Variants in NPAS3 observed in about 807,000 individuals in gnomAD.
The protein encoded by NPAS3 is neuronal PAS domain protein 3.
In NPAS3, 14 loss-of-function variants were observed where a neutral mutation model predicts 73.1. The ratio of observed to expected loss-of-function variants is 0.19; its 90% CI spans 0.13 to 0.30. NPAS3 has a LOEUF of 0.30. Among genes scored for constraint, NPAS3 ranks in the 10% least tolerant of loss-of-function variants. The pLI is 1.00. For missense variants in NPAS3, 1,096 were observed against 1,250.0 expected, an observed-to-expected ratio of 0.88 and a Z score of 1.86; for synonymous variants, 620 against 541.5, an observed-to-expected ratio of 1.14 and a Z score of -2.01.
At chr14:33,500,578 G>A (rs1406518909) in intron 4 of NPAS3, among the ~76,000 whole-genome samples, 1 of 151,900 alleles carries the variant, frequency 6.6e-6, no homozygotes, top group Admixed American at 6.6e-5. Flanking sequence ...CAAGAAAAGA[G>A]TTACCAGAGG....
chr14:32,971,384 C>G (rs2139315664), intron 1 of NPAS3, among the ~76,000 whole-genome samples: 1 of 152,186 alleles, frequency 6.6e-6, no homozygotes, highest in East Asian at 1.9e-4. Context: ...CACGCCTGGC[C>G]TGTGTTTTTC....
At chr14:33,542,708 A>C (rs2054577590) in intron 4 of NPAS3, among the ~76,000 whole-genome samples, 3 of 152,248 alleles carry the variant, frequency 2.0e-5, no homozygotes, top group Admixed American at 6.5e-5. Context: ...TAAGTAAAAA[A>C]TATTGAGTTG....
chr14:33,186,703 C>T (rs930430847), intron 2 of NPAS3, among the ~76,000 whole-genome samples: 1 of 152,192 alleles, frequency 6.6e-6, no homozygotes, highest in Admixed American at 6.5e-5. Context: ...CTGTTCACTC[C>T]CTTATCCCAC....
chr14:33,757,552 TGA>T (rs1405091694), intron 7 of NPAS3, among the ~76,000 whole-genome samples: 3 of 151,866 alleles, frequency 2.0e-5, no homozygotes, highest in Admixed American at 6.6e-5. Flanking sequence ...GGGGAAAAAA[TGA>T]GAGAGACCGG....
At chr14:33,428,761 C>A (rs933404426) in intron 4 of NPAS3, among the ~76,000 whole-genome samples, 1 of 152,024 alleles carries the variant, frequency 6.6e-6, no homozygotes, top group African/African-American at 2.4e-5. Flanking sequence ...TTCTTCAAAT[C>A]CCTTGAGTAC....
intron 4 of NPAS3, among the ~76,000 whole-genome samples, chr14:33,500,108 G>A (rs982230746): frequency 9.2e-5 from 14 of 151,906 alleles, no homozygotes; most frequent in African/African-American, 3.4e-4. Flanking sequence ...AAGGGAGTTT[G>A]AGGAAGGCAC....
At chr14:32,966,776 C>CAAAAAA (rs61620104) in intron 1 of NPAS3, among the ~76,000 whole-genome samples, 2 of 45,156 alleles carry the variant, frequency 4.4e-5, no homozygotes, top group Non-Finnish European at 4.1e-5. Flanking sequence ...GACTCCGTCT[C>CAAAAAA]AAAAAAAAAA....
downstream of NPAS3, chr14:33,801,262 C>G: frequency 7.2e-7 from 1 of 1,395,552 alleles, no homozygotes; most frequent in Admixed American, 2.8e-5. Flanking sequence ...TTTCTTTCAC[C>G]TGACTTATTC....
chr14:33,480,795 C>G (rs1744900049), intron 4 of NPAS3, among the ~76,000 whole-genome samples: 1 of 151,878 alleles, frequency 6.6e-6, no homozygotes, highest in African/African-American at 2.4e-5. Context: ...ATGGAGGTGT[C>G]AGCCCTTTAC....
chr14:33,556,100 G>A (rs2055346998), intron 4 of NPAS3, among the ~76,000 whole-genome samples: 2 of 152,152 alleles, frequency 1.3e-5, no homozygotes, highest in African/African-American at 2.4e-5. Context: ...AAACTGGCCA[G>A]TTCTTAGATC....
chr14:33,308,527 T>TATATAC, intron 3 of NPAS3, among the ~76,000 whole-genome samples: 37 of 103,652 alleles, frequency 3.6e-4, no homozygotes, highest in Non-Finnish European at 5.1e-4. Flanking sequence ...TATATATATA[T>TATATAC]ACATACACAC....
At chr14:33,592,650 C>T (rs2057108924) in intron 5 of NPAS3, among the ~76,000 whole-genome samples, 1 of 152,088 alleles carries the variant, frequency 6.6e-6, no homozygotes, top group Non-Finnish European at 1.5e-5. Context: ...TAATGAAATA[C>T]ATAAATAAGA....
At chr14:33,529,632 T>C (rs2053955019) in intron 4 of NPAS3, among the ~76,000 whole-genome samples, 2 of 151,918 alleles carry the variant, frequency 1.3e-5, no homozygotes, top group South Asian at 4.2e-4. Flanking sequence ...TTTTCTTTTA[T>C]GTATGTATGT....
chr14:33,312,974 G>A (rs2043064110), intron 3 of NPAS3, among the ~76,000 whole-genome samples: 1 of 151,966 alleles, frequency 6.6e-6, no homozygotes, highest in Admixed American at 6.6e-5. Flanking sequence ...GAATATTCTA[G>A]TGTCTTAAAG....
At chr14:33,052,157 C>A (rs751805203) in intron 1 of NPAS3, among the ~76,000 whole-genome samples, 2 of 152,104 alleles carry the variant, frequency 1.3e-5, no homozygotes, top group African/African-American at 2.4e-5. Context: ...AGTTCAGACA[C>A]CTGTATAAGA....
chr14:33,536,122 A>G (rs2054251201), intron 4 of NPAS3, among the ~76,000 whole-genome samples: 1 of 152,160 alleles, frequency 6.6e-6, no homozygotes, highest in Non-Finnish European at 1.5e-5. Context: ...GAACAGAACT[A>G]AGCGTTCACC....
At chr14:33,781,767 A>T (rs996914324) in intron 9 of NPAS3, among the ~76,000 whole-genome samples, 2 of 152,144 alleles carry the variant, frequency 1.3e-5, no homozygotes, top group African/African-American at 4.8e-5. Context: ...GCGTTTTTTT[A>T]AAAGACTTAA....
intron 4 of NPAS3, among the ~76,000 whole-genome samples, chr14:33,423,438 G>A (rs1243514318): frequency 7.9e-5 from 12 of 152,014 alleles, no homozygotes; most frequent in East Asian, 7.8e-4. Context: ...AAAAGTCACC[G>A]AAAGCAGAAT....
Position 33,199,496 on chromosome 14 carries a change from G to GGCTGCT in NPAS3, c.141-15679_141-15674dup, listed in dbSNP as rs1296368012. ...ATAAAGAGAGGCTAGACAGGCTCTT[G>GGCTGCT]GCTGCTGCTGCTTTCCTCAGTTTAC... On this transcript the variant is annotated intron_variant, in intron 2 of 11. Coordinates refer to ENST00000356141, the Ensembl canonical transcript of NPAS3. 5.3e-5 allele frequency among the ~76,000 whole-genome samples: 8 copies of GGCTGCT among 152,222 alleles called. No homozygotes were observed. The East Asian group carries it at 1.2e-3, about 22-fold the overall frequency.
Sources: gnomAD v4.1 joint callset for allele counts (sites outside exome capture counted in the v4.1 genomes callset) on GRCh38, gnomAD v4.1.1 for gene constraint, MANE v1.5 for transcripts, NCBI Gene and HGNC (gene_info 2026-07-23, HGNC 2026-07-21) for gene names.